Variants in GRID2 observed in about 807,000 individuals in gnomAD.
GRID2 encodes the protein glutamate receptor ionotropic, delta-2.
A neutral mutation model predicts 114.8 loss-of-function variants in GRID2; 33 were observed. That is an observed-to-expected ratio of 0.29 (90% CI 0.22 to 0.38). GRID2 has a LOEUF of 0.38. GRID2 is among the 10% of genes least tolerant of loss of function. GRID2 has a pLI of 1.00. For missense variants in GRID2, 1,184 were observed against 1,257.7 expected (o/e 0.94, Z 0.89); for synonymous variants, 505 against 449.9 (o/e 1.12, Z -1.55).
chr4:93,714,129 C>T (rs956984169), intron 14 of GRID2, among the ~76,000 whole-genome samples: 1 of 152,052 alleles, frequency 6.6e-6, no homozygotes, highest in African/African-American at 2.4e-5. Flanking sequence ...GTGTTGTTCC[C>T]CTCCCTGTGT....
At chr4:93,333,165 C>T (rs1188620132) in intron 8 of GRID2, among the ~76,000 whole-genome samples, 2 of 138,782 alleles carry the variant, frequency 1.4e-5, no homozygotes, top group Non-Finnish European at 3.0e-5. Context: ...CTCTAGAAAG[C>T]CTTCTGATAT....
rs796489126 is a variant in GRID2, at chr4:92,723,053, C to CT, written c.244+132777dup. Among the ~76,000 whole-genome samples, 114 of 148,616 alleles carry CT rather than the reference C, an allele frequency of 7.7e-4. No individual in the cohort carries two copies. The South Asian group carries it at 8.8e-3, about 11-fold the overall frequency. ...AACAACTTGTAGCTCTGCATGTGTA[C>CT]TTTTTTTTTTGAGGTTGATTTTATA... On this transcript the variant is annotated intron_variant, in intron 2 of 15. Coordinates refer to ENST00000282020, the MANE Select transcript of GRID2 (RefSeq NM_001510.4).
chr4:92,618,006 G>T (rs1039557661), intron 2 of GRID2, among the ~76,000 whole-genome samples: 3 of 151,556 alleles, frequency 2.0e-5, no homozygotes, highest in Non-Finnish European at 3.0e-5. Flanking sequence ...CAGTGTAGAA[G>T]CTTTTAGGTT....
intron 2 of GRID2, among the ~76,000 whole-genome samples, chr4:92,830,311 T>C (rs1742016263): frequency 6.6e-6 from 1 of 151,862 alleles, no homozygotes; most frequent in Non-Finnish European, 1.5e-5. Context: ...TTTTTTTTAT[T>C]CTGAAAGACT....
intron 4 of GRID2, among the ~76,000 whole-genome samples, chr4:93,179,799 T>C (rs559213728): frequency 2.0e-5 from 3 of 152,288 alleles, no homozygotes; most frequent in African/African-American, 7.2e-5. Flanking sequence ...ACACTACTAA[T>C]GGACACAGAT....
At chr4:93,076,731 C>A (rs1313013437) in intron 2 of GRID2, among the ~76,000 whole-genome samples, 1 of 150,922 alleles carries the variant, frequency 6.6e-6, no homozygotes, top group African/African-American at 2.4e-5. Context: ...AATTCTCCTG[C>A]CTCAACCTCC....
At chr4:93,023,791 G>A (rs575905724) in intron 2 of GRID2, among the ~76,000 whole-genome samples, 2 of 151,772 alleles carry the variant, frequency 1.3e-5, no homozygotes, top group East Asian at 1.9e-4. Flanking sequence ...GAAATAAAGG[G>A]TAAAATATTT....
At chr4:92,546,874 T>A (rs190195040) in intron 1 of GRID2, among the ~76,000 whole-genome samples, 1 of 152,296 alleles carries the variant, frequency 6.6e-6, no homozygotes, top group East Asian at 1.9e-4. Context: ...AATGTGAAAG[T>A]CTTCACCATG....
Position 93,799,315 on chromosome 4 carries a change from T to A in GRID2, c.222-7400T>A, listed in dbSNP as rs760225247. On this transcript the variant is annotated intron_variant, in intron 1 of 1. Coordinates refer to the GRID2 transcript ENST00000637838. ...GGCCTACTATGTTCCTAGATTTGAG[T>A]GACAAATATTAAAAACTCTCCAAGA... Among the ~76,000 whole-genome samples the A allele has an allele frequency of 7.0e-4, 106 of 152,238 alleles. 1 individual carries two copies. The highest frequency in any genetic ancestry group is 4.7e-3 in the Admixed American group (72 of 15,296).
At position 92,586,766 on chromosome 4, in the gene GRID2, G is replaced by A. The variant is rs189727880; in HGVS notation, c.89-3365G>A. Among the ~76,000 whole-genome samples, 489 of 151,714 alleles carry A rather than the reference G, an allele frequency of 3.2e-3. 1 individual carries two copies. The highest frequency in any genetic ancestry group is 0.011 in the African/African-American group (462 of 41,378). On this transcript the variant is annotated intron_variant, in intron 1 of 15. Coordinates refer to ENST00000282020, the MANE Select transcript of GRID2 (RefSeq NM_001510.4). ...TATATGCTAATTGGTCCATTAGTCC[G>A]TGAAAATTGTTTTCAGTAGCATTAC...
intron 1 of GRID2, among the ~76,000 whole-genome samples, chr4:92,353,143 C>A (rs1339364983): frequency 6.6e-6 from 1 of 151,720 alleles, no homozygotes. Flanking sequence ...CTTTTGAACT[C>A]TTTCATCTCC....
chr4:92,596,522 T>C (rs1051288063), intron 2 of GRID2, among the ~76,000 whole-genome samples: 1 of 152,024 alleles, frequency 6.6e-6, no homozygotes, highest in Non-Finnish European at 1.5e-5. Context: ...TCCCCAGCAA[T>C]CTCCTGCCAA....
chr4:92,809,990 A>G (rs1028855208), intron 2 of GRID2, among the ~76,000 whole-genome samples: 3 of 152,018 alleles, frequency 2.0e-5, no homozygotes, highest in Admixed American at 6.6e-5. Context: ...ATAGTATTTC[A>G]TCTGATAGAT....
intron 1 of GRID2, among the ~76,000 whole-genome samples, chr4:92,578,074 C>T: frequency 1.8e-5 from 1 of 54,674 alleles, no homozygotes; most frequent in Admixed American, 1.8e-4. Flanking sequence ...TCTTCTTCTT[C>T]TTCTTCTTCT....
intron 10 of GRID2, among the ~76,000 whole-genome samples, chr4:93,454,354 A>C (rs1425056771): frequency 6.6e-6 from 1 of 152,104 alleles, no homozygotes; most frequent in African/African-American, 2.4e-5. Flanking sequence ...AGCCTTCGGA[A>C]TAAGTAAAAC....
intron 4 of GRID2, among the ~76,000 whole-genome samples, chr4:93,146,829 T>C (rs1042183758): frequency 6.6e-6 from 1 of 152,202 alleles, no homozygotes; most frequent in Non-Finnish European, 1.5e-5. Context: ...TATGTTTCAT[T>C]TGTGGCTTTT....
At chr4:93,733,996 G>T (rs1011254197) in intron 14 of GRID2, among the ~76,000 whole-genome samples, 1 of 151,878 alleles carries the variant, frequency 6.6e-6, no homozygotes, top group Non-Finnish European at 1.5e-5. Context: ...TCTCTATAAA[G>T]GTCCTTTAAT....
In GRID2 at chr4:92,937,837, G is replaced by C. The variant is rs868867700; in HGVS notation, c.245-147158G>C. Among the ~76,000 whole-genome samples the C allele has an allele frequency of 2.7e-5, 4 of 146,402 alleles. 1 individual carries two copies. Among genetic ancestry groups the C allele is most frequent in the Admixed American group, 1.5e-4 (2 of 13,404 alleles). ...TAATAGTATTAATTCTTCCAGTGTAGTTTATTTTGGCTGATTACTCTGACT... is the reference window on the plus strand; with the variant it reads ...TAATAGTATTAATTCTTCCAGTGTACTTTATTTTGGCTGATTACTCTGACT... On this transcript the variant is annotated intron_variant, in intron 2 of 15. Coordinates refer to ENST00000282020, the MANE Select transcript of GRID2 (RefSeq NM_001510.4).
chr4:93,771,748 C>G (rs923035699), intron 15 of GRID2, among the ~76,000 whole-genome samples: 1 of 152,104 alleles, frequency 6.6e-6, no homozygotes, highest in East Asian at 1.9e-4. Context: ...ACCATACTTT[C>G]TATTGTTACA....
Sources: gnomAD v4.1 joint callset for allele counts (sites outside exome capture counted in the v4.1 genomes callset) on GRCh38, gnomAD v4.1.1 for gene constraint, MANE v1.5 for transcripts, NCBI Gene and HGNC (gene_info 2026-07-23, HGNC 2026-07-21) for gene names.